The following CCND3 variants were observed in gnomAD, a reference collection of about 807,000 sequenced individuals.
The protein encoded by CCND3 is G1/S-specific cyclin-D3.
CCND3 carries 9 observed loss-of-function variants against 28.7 expected under a neutral mutation model. The ratio of observed to expected loss-of-function variants is 0.31; its 90% CI spans 0.19 to 0.55. CCND3 has a LOEUF of 0.55. Ranked by LOEUF, CCND3 falls within the 20% of genes least tolerant of loss-of-function variation. The probability of loss-of-function intolerance (pLI) is 0.93; values close to 1 mark genes in which losing one functional copy is unlikely to be tolerated. For synonymous variants in CCND3, 164 were observed against 163.9 expected (o/e 1.00, Z 0.00); for missense variants, 315 against 385.8 (o/e 0.82, Z 1.54).
At chr6:41,940,995 T>C in intron 1 of CCND3, 1 of 1,612,748 alleles carries the variant, frequency 6.2e-7, no homozygotes, top group South Asian at 1.1e-5. Flanking sequence ...TCCTGCACTT[T>C]TCATTTCCCT....
At chr6:41,956,631 G>A (rs16895128) in intron 1 of CCND3, among the ~76,000 whole-genome samples, 29,267 of 152,126 alleles carry the variant, frequency 0.19, 3,193 homozygotes, top group East Asian at 0.38. Flanking sequence ...AAATCTGATT[G>A]CCCTCTGCAA....
At chr6:42,041,797 C>A (rs922647286) in intron 1 of CCND3, among the ~76,000 whole-genome samples, 1 of 152,166 alleles carries the variant, frequency 6.6e-6, no homozygotes, top group Non-Finnish European at 1.5e-5. Context: ...AGACGTCTTC[C>A]CAGGGACAGG....
chr6:41,957,264 C>G (rs1776462133), intron 1 of CCND3, among the ~76,000 whole-genome samples: 1 of 152,236 alleles, frequency 6.6e-6, no homozygotes, highest in African/African-American at 2.4e-5. Flanking sequence ...CACAGACACT[C>G]CTTTCGTCTT....
chr6:42,036,075 C>T (rs1194119996), intron 1 of CCND3, among the ~76,000 whole-genome samples: 1 of 150,212 alleles, frequency 6.7e-6, no homozygotes, highest in African/African-American at 2.5e-5. Context: ...GCTGCGCAAC[C>T]TCTGCCTCTC....
chr6:41,964,364 ATGTGTGAATG>A (rs1271623006), intron 1 of CCND3, among the ~76,000 whole-genome samples: 2 of 132,374 alleles, frequency 1.5e-5, no homozygotes, highest in East Asian at 2.2e-4. Context: ...CTGTGTGTGT[ATGTGTGAATG>A]TGTGTGAGTG....
chr6:41,966,614 A>G (rs1368980830), intron 1 of CCND3, among the ~76,000 whole-genome samples: 4 of 151,992 alleles, frequency 2.6e-5, no homozygotes, highest in African/African-American at 7.2e-5. Context: ...GTATATCTCC[A>G]TACAGAATTT....
At chr6:41,964,273 C>T (rs28449539) in intron 1 of CCND3, among the ~76,000 whole-genome samples, 28,463 of 150,956 alleles carry the variant, frequency 0.19, 3,192 homozygotes, top group Non-Finnish European at 0.25. Context: ...CTTCCTCCAG[C>T]GTGTGTATGT....
chr6:42,047,563 C>G (rs1481320256), intron 1 of CCND3, among the ~76,000 whole-genome samples: 3 of 152,108 alleles, frequency 2.0e-5, no homozygotes, highest in Non-Finnish European at 4.4e-5. Context: ...TGTCACATCA[C>G]CCCCAGGTGG....
At chr6:42,037,387 A>G (rs1227470348) in intron 1 of CCND3, among the ~76,000 whole-genome samples, 1 of 151,442 alleles carries the variant, frequency 6.6e-6, no homozygotes. Flanking sequence ...ACAGGCATGC[A>G]CGACCATGCC....
chr6:41,970,925 T>TC (rs1320483249), intron 1 of CCND3, among the ~76,000 whole-genome samples: 175 of 151,940 alleles, frequency 1.2e-3, no homozygotes, highest in Middle Eastern at 6.8e-3. Flanking sequence ...TCTTTTTTTT[T>TC]TCCCCCCCTT....
intron 1 of CCND3, among the ~76,000 whole-genome samples, chr6:41,950,927 C>A (rs199714310): frequency 6.6e-6 from 1 of 151,906 alleles, no homozygotes; most frequent in East Asian, 2.0e-4. Flanking sequence ...CCAGGATGGT[C>A]TTGATCTCCT....
At chr6:42,022,393 A>G (rs1394185540) in intron 1 of CCND3, among the ~76,000 whole-genome samples, 1 of 152,208 alleles carries the variant, frequency 6.6e-6, no homozygotes, top group Non-Finnish European at 1.5e-5. Context: ...ACACACAAAA[A>G]GGGTGGAGGA....
At chr6:42,005,902 C>T (rs1763161584) in intron 1 of CCND3, among the ~76,000 whole-genome samples, 1 of 151,968 alleles carries the variant, frequency 6.6e-6, no homozygotes, top group Non-Finnish European at 1.5e-5. Flanking sequence ...CCAGGCTAGT[C>T]GAACTCCTGA....
chr6:41,980,473 T>C (rs1762314847), intron 1 of CCND3, among the ~76,000 whole-genome samples: 2 of 151,890 alleles, frequency 1.3e-5, no homozygotes, highest in Admixed American at 6.6e-5. Context: ...AGGAAGAAAT[T>C]ATACAAATTC....
At chr6:42,009,965 C>G (rs534705207) in intron 1 of CCND3, among the ~76,000 whole-genome samples, 1 of 152,098 alleles carries the variant, frequency 6.6e-6, no homozygotes, top group Non-Finnish European at 1.5e-5. Flanking sequence ...CAATCAGTGC[C>G]CTCCAAGCAA....
At chr6:42,031,813 C>CT (rs35518846) in intron 1 of CCND3, among the ~76,000 whole-genome samples, 11,036 of 128,868 alleles carry the variant, frequency 0.086, 1,477 homozygotes, top group African/African-American at 0.27. Flanking sequence ...GCAACTGACT[C>CT]TTTTTTTTTT....
intron 1 of CCND3, among the ~76,000 whole-genome samples, chr6:42,005,665 C>T (rs1042798557): frequency 1.3e-5 from 2 of 151,780 alleles, no homozygotes; most frequent in Admixed American, 1.3e-4. Flanking sequence ...TTTGATAACC[C>T]TCGGCAACAT....
intron 1 of CCND3, among the ~76,000 whole-genome samples, chr6:42,040,525 C>T (rs1764339687): frequency 6.6e-6 from 1 of 152,064 alleles, no homozygotes; most frequent in Non-Finnish European, 1.5e-5. Context: ...GGACTAGATA[C>T]TTAACCTCTG....
intron 1 of CCND3, among the ~76,000 whole-genome samples, chr6:42,033,776 G>T (rs1267563000): frequency 1.3e-5 from 2 of 151,748 alleles, no homozygotes; most frequent in Non-Finnish European, 2.9e-5. Flanking sequence ...TTGAAAATGG[G>T]AGGTGCAGGT....
Sources: allele counts gnomAD v4.1 joint callset (sites outside exome capture counted in the v4.1 genomes callset), GRCh38; gene constraint gnomAD v4.1.1; transcripts MANE v1.5; gene names NCBI Gene and HGNC (gene_info 2026-07-23, HGNC 2026-07-21).